Variants in KCNIP4 observed in about 807,000 individuals in gnomAD.
KCNIP4 encodes potassium voltage-gated channel interacting protein 4.
In KCNIP4, 12 loss-of-function variants were observed where a neutral mutation model predicts 34.0. The ratio of observed to expected loss-of-function variants is 0.35; its 90% CI spans 0.23 to 0.57. The LOEUF is 0.57. Ranked by LOEUF, KCNIP4 falls within the 20% of genes least tolerant of loss-of-function variation. KCNIP4 has a pLI of 0.83. For synonymous variants in KCNIP4, 124 were observed against 102.2 expected, an observed-to-expected ratio of 1.21 and a Z score of -1.29; for missense variants, 238 against 311.7, an observed-to-expected ratio of 0.76 and a Z score of 1.78.
intron 1 of KCNIP4, among the ~76,000 whole-genome samples, chr4:21,590,627 T>C (rs898640630): frequency 2.0e-5 from 3 of 152,010 alleles, no homozygotes; most frequent in Non-Finnish European, 4.4e-5. Flanking sequence ...ACTGAAGTTG[T>C]GTGACATAGA....
chr4:20,938,235 A>G (rs958508195), intron 1 of KCNIP4, among the ~76,000 whole-genome samples: 11 of 150,840 alleles, frequency 7.3e-5, no homozygotes, highest in Non-Finnish European at 1.6e-4. Flanking sequence ...TCACCACTCA[A>G]TTAAAGGTTG....
At chr4:21,166,938 C>CAAAAAAAAAAAAAAAAAAAAAAAAAA (rs55649635) in intron 1 of KCNIP4, among the ~76,000 whole-genome samples, 6 of 37,562 alleles carry the variant, frequency 1.6e-4, no homozygotes, top group African/African-American at 6.4e-4. Context: ...CACTCCATCT[C>CAAAAAAAAAAAAAAAAAAAAAAAAAA]AAAAAAAAAA....
intron 3 of KCNIP4, among the ~76,000 whole-genome samples, chr4:20,783,535 A>G (rs922193627): frequency 1.5e-4 from 23 of 152,190 alleles, no homozygotes; most frequent in African/African-American, 4.8e-4. Flanking sequence ...TAAAACTGTC[A>G]GATCTTGTGA....
intron 1 of KCNIP4, among the ~76,000 whole-genome samples, chr4:21,141,769 T>C (rs1751969231): frequency 1.3e-5 from 2 of 151,850 alleles, no homozygotes; most frequent in Admixed American, 1.3e-4. Context: ...AACAATAAAA[T>C]CTCTTTTTAG....
At chr4:20,815,751 C>A (rs1193432422) in intron 3 of KCNIP4, among the ~76,000 whole-genome samples, 1 of 152,178 alleles carries the variant, frequency 6.6e-6, no homozygotes, top group Admixed American at 6.5e-5. Context: ...AAAATCACAA[C>A]TAACATTTAG....
At chr4:21,195,917 G>A (rs969618623) in intron 1 of KCNIP4, among the ~76,000 whole-genome samples, 3 of 152,116 alleles carry the variant, frequency 2.0e-5, no homozygotes, top group Non-Finnish European at 2.9e-5. Context: ...TTTACTTTTT[G>A]TCGAGTAAGC....
intron 1 of KCNIP4, among the ~76,000 whole-genome samples, chr4:21,794,411 G>T (rs1384788778): frequency 2.0e-5 from 3 of 152,196 alleles, no homozygotes; most frequent in Non-Finnish European, 4.4e-5. Flanking sequence ...TCAATCAATT[G>T]TTTTGTCTCA....
intron 1 of KCNIP4, among the ~76,000 whole-genome samples, chr4:21,841,868 T>C (rs1396152453): frequency 6.6e-6 from 1 of 152,178 alleles, no homozygotes; most frequent in Non-Finnish European, 1.5e-5. Context: ...CTTAAGATTA[T>C]CTGAAAACAA....
At chr4:21,719,597 A>G (rs1483472543) in intron 1 of KCNIP4, among the ~76,000 whole-genome samples, 1 of 152,192 alleles carries the variant, frequency 6.6e-6, no homozygotes, top group African/African-American at 2.4e-5. Flanking sequence ...TGTGTGGTTC[A>G]GTAGAGTCTA....
chr4:21,714,557 G>A (rs1206942053), intron 1 of KCNIP4, among the ~76,000 whole-genome samples: 2 of 134,188 alleles, frequency 1.5e-5, no homozygotes, highest in African/African-American at 2.7e-5. Context: ...GGAAGGGGGG[G>A]ATTAATGGGG....
chr4:21,723,317 A>C (rs924709487), intron 1 of KCNIP4, among the ~76,000 whole-genome samples: 2 of 152,140 alleles, frequency 1.3e-5, no homozygotes, highest in Non-Finnish European at 2.9e-5. Flanking sequence ...ATATTAGAAA[A>C]GAAGAGCTTT....
chr4:21,268,171 A>T (rs1244344633), intron 1 of KCNIP4, among the ~76,000 whole-genome samples: 2 of 152,206 alleles, frequency 1.3e-5, no homozygotes, highest in Non-Finnish European at 2.9e-5. Context: ...CCTTTCATGT[A>T]TCAATCTTTC....
chr4:21,266,284 A>G (rs754624153), intron 1 of KCNIP4, among the ~76,000 whole-genome samples: 12 of 152,186 alleles, frequency 7.9e-5, no homozygotes, highest in Non-Finnish European at 1.5e-4. Context: ...TTTTCCTATT[A>G]TAGTCATTTT....
chr4:21,229,486 T>C (rs1333697494), intron 1 of KCNIP4, among the ~76,000 whole-genome samples: 2 of 152,192 alleles, frequency 1.3e-5, no homozygotes, highest in African/African-American at 2.4e-5. Context: ...TGATTATTTA[T>C]TCATTTGCAA....
chr4:21,743,836 T>C (rs1716587397), intron 1 of KCNIP4, among the ~76,000 whole-genome samples: 1 of 149,072 alleles, frequency 6.7e-6, no homozygotes. Flanking sequence ...TATAGGAGCA[T>C]CCTAGATGAG....
At chr4:21,336,286 CTT>C (rs1420134919) in intron 1 of KCNIP4, among the ~76,000 whole-genome samples, 2 of 151,986 alleles carry the variant, frequency 1.3e-5, no homozygotes, top group African/African-American at 4.8e-5. Context: ...ACCACAAACA[CTT>C]TAGCTGTAAA....
chr4:21,775,304 G>A (rs536705560), intron 1 of KCNIP4, among the ~76,000 whole-genome samples: 1 of 152,078 alleles, frequency 6.6e-6, no homozygotes, highest in Non-Finnish European at 1.5e-5. Flanking sequence ...GTCACTCAAG[G>A]AGGCTGGAAA....
At chr4:21,199,375 A>G (rs1175747643) in intron 1 of KCNIP4, among the ~76,000 whole-genome samples, 1 of 152,108 alleles carries the variant, frequency 6.6e-6, no homozygotes, top group Non-Finnish European at 1.5e-5. Context: ...TGTCTTGAGA[A>G]CTATCTGTTC....
At chr4:21,193,220 G>A (rs374803476) in intron 1 of KCNIP4, among the ~76,000 whole-genome samples, 1 of 152,224 alleles carries the variant, frequency 6.6e-6, no homozygotes, top group East Asian at 1.9e-4. Context: ...TTATTCTGCT[G>A]ATGTTGGACA....
Sources: allele counts gnomAD v4.1 joint callset (sites outside exome capture counted in the v4.1 genomes callset), GRCh38; gene constraint gnomAD v4.1.1; transcripts MANE v1.5; gene names NCBI Gene and HGNC (gene_info 2026-07-23, HGNC 2026-07-21).